The following PM20D2 variants were observed in gnomAD, a reference collection of about 807,000 sequenced individuals.
PM20D2 encodes peptidase M20 domain containing 2, also known as xaa-Arg dipeptidase.
Under a neutral mutation model 42.9 loss-of-function variants are expected in PM20D2, and 33 were observed. The observed-to-expected ratio is 0.77, with a 90% CI of 0.58 to 1.03. The LOEUF is 1.03. Among genes scored for constraint, PM20D2 ranks in the 50% least tolerant of loss-of-function variants. PM20D2 has a pLI of 0.00. For synonymous variants in PM20D2, 250 were observed against 228.2 expected, an observed-to-expected ratio of 1.10 and a Z score of -0.86; for missense variants, 548 against 557.0, an observed-to-expected ratio of 0.98 and a Z score of 0.16.
the PM20D2 span, among the ~76,000 whole-genome samples, chr6:89,114,123 A>C: frequency 1.3e-5 from 2 of 152,162 alleles, no homozygotes; most frequent in Admixed American, 1.3e-4. Flanking sequence ...TCATCGGTAA[A>C]ATGGGGTTAA....
At chr6:89,155,613 G>T (rs1771018085) in intron 4 of PM20D2, among the ~76,000 whole-genome samples, 1 of 152,122 alleles carries the variant, frequency 6.6e-6, no homozygotes, top group Non-Finnish European at 1.5e-5. Context: ...TCTGAAGTTA[G>T]GGTGTGTATA....
chr6:89,099,056 T>A, the PM20D2 span: 1 of 1,294,582 alleles, frequency 7.7e-7, no homozygotes, highest in African/African-American at 1.5e-5. Context: ...ATATTTTTAC[T>A]AGATAAGCTA....
the PM20D2 span, among the ~76,000 whole-genome samples, chr6:89,130,819 CTTTTTTT>C: frequency 1.7e-3 from 41 of 24,054 alleles, no homozygotes; most frequent in Admixed American, 5.6e-3. Flanking sequence ...GCTTCTTCTT[CTTTTTTT>C]TTTTTTTTTT....
chr6:89,121,978 A>G, the PM20D2 span, among the ~76,000 whole-genome samples: 1 of 152,248 alleles, frequency 6.6e-6, no homozygotes, highest in African/African-American at 2.4e-5. Context: ...TCACGGTTTT[A>G]TAAAGTGTAT....
At chr6:89,160,885 G>A (rs760920459) in intron 5 of PM20D2, among the ~76,000 whole-genome samples, 1 of 152,136 alleles carries the variant, frequency 6.6e-6, no homozygotes, top group Non-Finnish European at 1.5e-5. Context: ...CATGTGCAAG[G>A]GTCCTGTGAC....
chr6:89,102,001 C>T, the PM20D2 span, among the ~76,000 whole-genome samples: 98,612 of 150,652 alleles, frequency 0.65, 33,006 homozygotes, highest in East Asian at 0.78. Context: ...TCTCGGTGAG[C>T]TGAAAGAGGA....
the PM20D2 span, among the ~76,000 whole-genome samples, chr6:89,095,031 G>A: frequency 0.012 from 1,854 of 152,050 alleles, 25 homozygotes; most frequent in Non-Finnish European, 0.015. Context: ...TTTCTTTCGA[G>A]AAATGCACAC....
At chr6:89,149,620 A>G (rs1466007304) in intron 2 of PM20D2, among the ~76,000 whole-genome samples, 1 of 152,246 alleles carries the variant, frequency 6.6e-6, no homozygotes, top group Non-Finnish European at 1.5e-5. Context: ...GAGTATTAAA[A>G]TAGTAGCACT....
Position 89,146,544 on chromosome 6 carries a change from G to T in PM20D2, c.400G>T (p.Ala134Ser), listed in dbSNP as rs999079855. The T allele has an allele frequency of 2.9e-5, 43 of 1,500,094 alleles. No individual in the cohort carries two copies. In the African/African-American group the frequency reaches 5.8e-4, roughly 20 times the overall value. The allele number at this position is 1,500,094 out of a possible 1,614,324, so 92.9% of individuals were successfully genotyped here. Reference protein sequence around the residue: ...CGHNLIAEVGAAAALGVRGAL... With the variant: ...CGHNLIAEVGSAAALGVRGAL... Reference sequence around the variant, plus strand: ...CCACAACCTCATCGCTGAGGTCGGGGCGGCGGCCGCGCTGGGCGTGAGGGG... The same window carrying T: ...CCACAACCTCATCGCTGAGGTCGGGTCGGCGGCCGCGCTGGGCGTGAGGGG... The change falls in exon 1 of 7, where the codon GCG becomes TCG. Residue 134 changes from alanine to serine, a missense_variant. By Grantham distance (99) the Ala-to-Ser change is moderately conservative (BLOSUM62 1). This residue lies in a region of PM20D2 where 470 missense variants were observed against 464.4 expected (regional missense o/e 1.01). Transcript: ENST00000275072.
upstream of PM20D2, among the ~76,000 whole-genome samples, chr6:89,145,711 C>T (rs942562641): frequency 1.3e-5 from 2 of 152,212 alleles, no homozygotes; most frequent in African/African-American, 4.8e-5. Flanking sequence ...GTTTTAATTA[C>T]TAATGCTACA....
At chr6:89,105,265 A>G in the PM20D2 span, 1 of 1,603,710 alleles carries the variant, frequency 6.2e-7, no homozygotes, top group Non-Finnish European at 8.5e-7. Context: ...CTGGTGCTGG[A>G]ACATAAAGAA....
the PM20D2 span, among the ~76,000 whole-genome samples, chr6:89,094,681 T>C: frequency 6.6e-6 from 1 of 152,124 alleles, no homozygotes; most frequent in Non-Finnish European, 1.5e-5. Context: ...ATAATCCACA[T>C]TTAGTACTAG....
At chr6:89,137,702 A>C in the PM20D2 span, among the ~76,000 whole-genome samples, 1 of 152,206 alleles carries the variant, frequency 6.6e-6, no homozygotes, top group Admixed American at 6.5e-5. Context: ...TATTGCAGAC[A>C]GTTTTAAAAA....
the PM20D2 span, among the ~76,000 whole-genome samples, chr6:89,111,099 TGA>T: frequency 6.7e-6 from 1 of 149,182 alleles, no homozygotes; most frequent in South Asian, 2.1e-4. Flanking sequence ...GAAGACAGGG[TGA>T]GACTTGTCTT....
chr6:89,126,112 T>C, the PM20D2 span, among the ~76,000 whole-genome samples: 3 of 151,458 alleles, frequency 2.0e-5, no homozygotes, highest in African/African-American at 7.3e-5. Flanking sequence ...AAGTATTTCT[T>C]GGCTGGGCAT....
intron 5 of PM20D2, 110 bp from the exon 6 acceptor site, chr6:89,161,673 A>G: frequency 1.2e-6 from 1 of 813,788 alleles, no homozygotes; most frequent in Non-Finnish European, 2.0e-6. Flanking sequence ...ACAACTCTCC[A>G]AGAAGCTCAC....
At position 89,161,640 on chromosome 6, in the gene PM20D2, C is replaced by G. The variant is rs571788964; in HGVS notation, c.1049-143C>G. On this transcript the variant is annotated intron_variant, in intron 5 of 6. Coordinates refer to ENST00000275072, the MANE Select transcript of PM20D2 (RefSeq NM_001010853.3). Reference sequence around the variant, plus strand: ...GGTGGCAGACTCAGTGGAAGGTGAGCCCATGAAAGCATGAGCATACGGACA... The same window carrying G: ...GGTGGCAGACTCAGTGGAAGGTGAGGCCATGAAAGCATGAGCATACGGACA... 3.1e-6 allele frequency: 2 copies of G among 654,950 alleles called. 1 individual carries two copies. 40.6% of individuals were successfully genotyped at this position (654,950 alleles called of 1,614,324 possible). A position where few individuals can be genotyped will look rare whatever the true frequency, so the allele number is the denominator to read the frequency against.
chr6:89,159,635 G>A (rs567573614), intron 5 of PM20D2, among the ~76,000 whole-genome samples: 11 of 152,216 alleles, frequency 7.2e-5, no homozygotes, highest in Non-Finnish European at 1.2e-4. Flanking sequence ...AGGGAAATAC[G>A]GAAAAGAAAA....
the PM20D2 span, among the ~76,000 whole-genome samples, chr6:89,115,952 A>G: frequency 6.6e-6 from 1 of 150,692 alleles, no homozygotes; most frequent in East Asian, 1.9e-4. Flanking sequence ...GGATTTTCAT[A>G]TGATTCAACT....
Sources: allele counts gnomAD v4.1 joint callset (sites outside exome capture counted in the v4.1 genomes callset), GRCh38; gene constraint gnomAD v4.1.1; regional missense constraint gnomAD v4.1.1; transcripts MANE v1.5; gene names NCBI Gene and HGNC (gene_info 2026-07-23, HGNC 2026-07-21).